The following NPAT variants were observed in gnomAD, a reference collection of about 807,000 sequenced individuals.
The protein encoded by NPAT is protein NPAT.
In NPAT, 52 loss-of-function variants were observed where a neutral mutation model predicts 130.7. That is an observed-to-expected ratio of 0.40 (90% CI 0.32 to 0.50). NPAT has a LOEUF of 0.50. Ranked by LOEUF, NPAT falls within the 20% of genes least tolerant of loss-of-function variation. NPAT has a pLI of 0.68. For synonymous variants in NPAT, 580 were observed against 584.8 expected (o/e 0.99, Z 0.12); for missense variants, 1,687 against 1,662.6 (o/e 1.01, Z -0.26).
intron 4 of NPAT, among the ~76,000 whole-genome samples, 170 bp downstream of exon 4, chr11:108,191,948 A>T (rs868730732): frequency 4.6e-5 from 7 of 152,352 alleles, no homozygotes; most frequent in Middle Eastern, 3.4e-3. Flanking sequence ...AAAGTATGCT[A>T]TTTATTTCAA....
rs2078420229 is a variant in NPAT, at chr11:108,215,062, T to C, written c.37+7438A>G. Among the ~76,000 whole-genome samples the C allele has an allele frequency of 2.6e-5, 4 of 152,338 alleles. No individual in the cohort carries two copies. The South Asian group carries it at 8.3e-4, about 32-fold the overall frequency. ...GTCTTTCAGTCCCACAGATACACATTGATTATATTTCAAGGCCATTGTTTA... is the reference window on the plus strand; with the variant it reads ...GTCTTTCAGTCCCACAGATACACATCGATTATATTTCAAGGCCATTGTTTA... On this transcript the variant is annotated intron_variant, in intron 1 of 17. Coordinates refer to ENST00000278612, the MANE Select transcript of NPAT (RefSeq NM_002519.3).
At chr11:108,200,136 C>A (rs2078261340) in intron 1 of NPAT, among the ~76,000 whole-genome samples, 1 of 152,170 alleles carries the variant, frequency 6.6e-6, no homozygotes, top group South Asian at 2.1e-4. Flanking sequence ...GGCAACTTCC[C>A]CTACCTGCGT....
chr11:108,195,627 C>T (rs904277958), intron 2 of NPAT, among the ~76,000 whole-genome samples: 4 of 121,550 alleles, frequency 3.3e-5, no homozygotes, highest in African/African-American at 1.1e-4. Context: ...TAAATATTTT[C>T]ACCCAGCCTT....
chr11:108,214,373 T>C lies in NPAT; in HGVS notation c.37+8127A>G, dbSNP rs139526061. 8.1e-4 allele frequency among the ~76,000 whole-genome samples: 123 copies of C among 152,348 alleles called. 1 individual carries two copies. The Middle Eastern group carries it at 0.01, about 13-fold the overall frequency. The stretch of plus-strand genomic sequence containing the variant: ...ACAAAAAGCGAAATATTCTATTTCA[T>C]TTATGTGCAATGTCCAGGCAAGGCA... On this transcript the variant is annotated intron_variant, in intron 1 of 17. Coordinates refer to ENST00000278612, the MANE Select transcript of NPAT (RefSeq NM_002519.3).
chr11:108,170,715 T>C (rs1249045365), intron 13 of NPAT, among the ~76,000 whole-genome samples: 1 of 152,246 alleles, frequency 6.6e-6, no homozygotes, highest in African/African-American at 2.4e-5. Context: ...TCTCTGTCTA[T>C]GCTGGTGCTG....
chr11:108,193,935 A>AACTCC (rs754157004), intron 3 of NPAT, 22 bp downstream of exon 3: 1 of 1,463,346 alleles, frequency 6.8e-7, no homozygotes, highest in South Asian at 1.1e-5. Context: ...TCAGCAAAAA[A>AACTCC]ACTCCAAATC....
intron 1 of NPAT, among the ~76,000 whole-genome samples, chr11:108,212,647 C>CAAA (rs1037957436): frequency 1.3e-5 from 2 of 150,962 alleles, no homozygotes; most frequent in African/African-American, 4.9e-5. Context: ...ACAACAACAA[C>CAAA]AAAAAAACTA....
intron 1 of NPAT, among the ~76,000 whole-genome samples, chr11:108,205,666 T>A (rs1386902414): frequency 6.6e-6 from 1 of 152,186 alleles, no homozygotes; most frequent in Non-Finnish European, 1.5e-5. Context: ...GCTAGCAGAT[T>A]TTCCCTGTAA....
intron 3 of NPAT, 132 bp downstream of exon 3, chr11:108,193,825 C>A: frequency 1.8e-6 from 1 of 560,124 alleles, no homozygotes; most frequent in Non-Finnish European, 3.2e-6. Flanking sequence ...AAAAATTTAT[C>A]TCATTACAAC....
chr11:108,174,516 A>G (rs2077985156), intron 12 of NPAT, among the ~76,000 whole-genome samples: 2 of 151,608 alleles, frequency 1.3e-5, no homozygotes, highest in South Asian at 4.2e-4. Flanking sequence ...TAGGAACAAA[A>G]GGTACCATGA....
intron 12 of NPAT, among the ~76,000 whole-genome samples, chr11:108,175,334 T>C (rs924259616): frequency 2.6e-5 from 4 of 152,208 alleles, no homozygotes; most frequent in Non-Finnish European, 5.9e-5. Flanking sequence ...CTGGGGGGCT[T>C]GGAATATATC....
At chr11:108,192,020 G>A in intron 4 of NPAT, 98 bp downstream of exon 4, 1 of 841,970 alleles carries the variant, frequency 1.2e-6, no homozygotes. Context: ...AAAACTGGAT[G>A]AGTGTTATAT....
chr11:108,222,059 G>GC (rs1462960105), intron 1 of NPAT, among the ~76,000 whole-genome samples: 1 of 152,082 alleles, frequency 6.6e-6, no homozygotes, highest in Non-Finnish European at 1.5e-5. Context: ...TTAGAAGGGC[G>GC]CCAGGAAGGT....
In NPAT at chr11:108,172,354, G is replaced by A. The variant is rs1337627277; in HGVS notation, c.2630C>T (p.Ala877Val). 3.1e-6 allele frequency: 5 copies of A among 1,614,194 alleles called. No individual in the cohort carries two copies. Among genetic ancestry groups the A allele is most frequent in the African/African-American group, 1.3e-5 (1 of 75,050 alleles). ...AGACTGACTTACAGATGTTCCTAAC[G>A]CTGTTGGATCAGTCACACAGGTAGC... ...LIATCVTDPT[A>V]LGTSVSQSNV... Residue 877 changes from alanine to valine, a missense_variant, in exon 13 of 18, where the codon GCG (alanine) becomes GTG (valine). Physicochemically the swap from Ala to Val is moderately conservative, Grantham distance 64. Coordinates refer to ENST00000278612, the MANE Select transcript of NPAT (RefSeq NM_002519.3).
At chr11:108,190,565 AGT>A in intron 4 of NPAT, 65 bp from the exon 5 acceptor site, 1 of 1,397,612 alleles carries the variant, frequency 7.2e-7, no homozygotes, top group Non-Finnish European at 1.0e-6. Context: ...ACTATGATTT[AGT>A]TACAGTCAGA....
At chr11:108,179,353 C>T (rs2078037557) in intron 10 of NPAT, among the ~76,000 whole-genome samples, 1 of 152,120 alleles carries the variant, frequency 6.6e-6, no homozygotes, top group Non-Finnish European at 1.5e-5. Flanking sequence ...CCACAACCTC[C>T]ACTTCCCAGG....
At chr11:108,165,353 T>A (rs2077891175) in intron 15 of NPAT, among the ~76,000 whole-genome samples, 1 of 150,752 alleles carries the variant, frequency 6.6e-6, no homozygotes, top group Admixed American at 6.6e-5. Context: ...CTCGCATTCC[T>A]CCTGCCTCAG....
In NPAT at chr11:108,173,581, G is replaced by A. The variant is rs374559127; in HGVS notation, c.1403C>T (p.Ala468Val). The A allele has an allele frequency of 1.4e-5, 23 of 1,614,040 alleles. No individual in the cohort carries two copies. The highest frequency in any genetic ancestry group is 1.9e-5 in the Non-Finnish European group (22 of 1,180,030). Reference sequence around the variant, plus strand: ...GGACATCTGATTGGTGTATAATTCAGCACAATGTGGATTACATTCAGCATT... The same window carrying A: ...GGACATCTGATTGGTGTATAATTCAACACAATGTGGATTACATTCAGCATT... ...NSNAECNPHC[A>V]ELYTNQMSTE... is the part of the protein sequence containing the mutation. The change falls in exon 13 of 18, where the codon GCT (alanine) becomes GTT (valine). Residue 468 changes from alanine (A) to valine (V), a missense_variant. Around this residue, in one of 3 missense-constraint regions of NPAT, gnomAD observed 1,379 missense variants for 1,346.6 expected, o/e 1.02. Transcript: ENST00000278612.
chr11:108,168,076 T>C (rs1227645417), intron 15 of NPAT, among the ~76,000 whole-genome samples: 3 of 152,182 alleles, frequency 2.0e-5, no homozygotes, highest in Non-Finnish European at 4.4e-5. Flanking sequence ...ATTGGTAGTG[T>C]TGTGAGGGAA....
Sources: gnomAD v4.1 joint callset for allele counts (sites outside exome capture counted in the v4.1 genomes callset) on GRCh38, gnomAD v4.1.1 for gene constraint, gnomAD v4.1.1 regional missense constraint, MANE v1.5 for transcripts, NCBI Gene and HGNC (gene_info 2026-07-23, HGNC 2026-07-21) for gene names.